CNOT1: variants seen among roughly 807,000 people sequenced by gnomAD.
The protein encoded by CNOT1 is CCR4-NOT transcription complex subunit 1.
CNOT1 carries 15 observed loss-of-function variants against 273.8 expected under a neutral mutation model. The observed-to-expected ratio is 0.05, with a 90% CI of 0.04 to 0.08. The LOEUF (loss-of-function observed/expected upper bound fraction) is 0.08. Among genes scored for constraint, CNOT1 ranks in the 10% least tolerant of loss-of-function variants. The pLI is 1.00. For missense variants in CNOT1, 1,644 were observed against 2,912.2 expected, an observed-to-expected ratio of 0.56 and a Z score of 10.02; for synonymous variants, 1,022 against 1,005.5, an observed-to-expected ratio of 1.02 and a Z score of -0.31.
chr16:58,565,228 T>A (rs1014716367), intron 16 of CNOT1, among the ~76,000 whole-genome samples: 1 of 152,118 alleles, frequency 6.6e-6, no homozygotes, highest in Non-Finnish European at 1.5e-5. Context: ...TCCTCCAACC[T>A]CAGCCTCCCC....
chr16:58,608,659 C>T (rs1197827576), intron 1 of CNOT1, among the ~76,000 whole-genome samples: 3 of 66,448 alleles, frequency 4.5e-5, no homozygotes, highest in African/African-American at 2.5e-4. Context: ...AAAAAAGATA[C>T]TTGCACACGT....
chr16:58,531,839 A>G (rs1157276433), intron 42 of CNOT1, 119 bp downstream of exon 42: 2 of 1,242,968 alleles, frequency 1.6e-6, no homozygotes, highest in Non-Finnish European at 2.2e-6. Flanking sequence ...AGCATTCCCA[A>G]CTAAGTTTGG....
chr16:58,573,407 A>G (rs4784049), intron 16 of CNOT1, among the ~76,000 whole-genome samples: 138,597 of 151,658 alleles, frequency 0.91, 63,530 homozygotes, highest in East Asian at 1. Context: ...TTATTAAGAC[A>G]GCAGTACTCC....
chr16:58,541,624 G>T lies in CNOT1; in HGVS notation c.4681-4C>A. On this transcript the variant is annotated splice_polypyrimidine_tract_variant and splice_region_variant and intron_variant, in intron 33 of 48. Transcript: ENST00000317147. The stretch of plus-strand genomic sequence containing the variant: ...GCTTTGGGTCCACACCACCAACCTT[G>T]AAAGAAGAAAACCTATTTTGACAGA... The T allele has an allele frequency of 1.2e-6, 2 of 1,609,304 alleles. No homozygotes were observed. The highest frequency in any genetic ancestry group is 1.1e-5 in the South Asian group (1 of 90,220).
intron 1 of CNOT1, among the ~76,000 whole-genome samples, chr16:58,628,898 T>C (rs931046861): frequency 6.6e-6 from 1 of 152,170 alleles, no homozygotes; most frequent in Non-Finnish European, 1.5e-5. Context: ...ACTGAAAAAG[T>C]ATTATTTGTG....
chr16:58,580,358 A>T (rs1339203228), intron 12 of CNOT1, among the ~76,000 whole-genome samples: 1 of 151,838 alleles, frequency 6.6e-6, no homozygotes, highest in Non-Finnish European at 1.5e-5. Context: ...ACTAAGGGAG[A>T]AAGGAGGAAG....
At chr16:58,618,233 T>C (rs991624556) in intron 1 of CNOT1, among the ~76,000 whole-genome samples, 1 of 151,950 alleles carries the variant, frequency 6.6e-6, no homozygotes, top group Non-Finnish European at 1.5e-5. Context: ...GCCCAGGAGT[T>C]CAAGGCTGCA....
At chr16:58,600,142 C>T (rs1417976910) in intron 1 of CNOT1, among the ~76,000 whole-genome samples, 4 of 151,646 alleles carry the variant, frequency 2.6e-5, no homozygotes, top group African/African-American at 9.7e-5. Flanking sequence ...ATCAGGAGTT[C>T]GTGACCAGTC....
intron 1 of CNOT1, among the ~76,000 whole-genome samples, chr16:58,609,067 A>G (rs2042792906): frequency 6.6e-6 from 1 of 152,156 alleles, no homozygotes; most frequent in African/African-American, 2.4e-5. Flanking sequence ...CCAAATTCTC[A>G]CAGATCACCA....
intron 1 of CNOT1, among the ~76,000 whole-genome samples, chr16:58,602,305 A>T (rs918367938): frequency 3.3e-5 from 5 of 151,988 alleles, no homozygotes; most frequent in Non-Finnish European, 7.4e-5. Context: ...TCCCGACCTC[A>T]GGTGATCCAC....
intron 2 of CNOT1, chr16:58,597,706 C>T (rs1234940993): frequency 1.4e-5 from 7 of 511,772 alleles, no homozygotes; most frequent in Non-Finnish European, 2.8e-5. Flanking sequence ...GCCAGGCAAG[C>T]CAATACCCAC....
chr16:58,565,419 C>T (rs2041006126), intron 16 of CNOT1, among the ~76,000 whole-genome samples: 1 of 152,164 alleles, frequency 6.6e-6, no homozygotes, highest in Non-Finnish European at 1.5e-5. Context: ...TCAGCCTTCA[C>T]TATATATTTT....
intron 18 of CNOT1, 62 bp from the exon 19 acceptor site, chr16:58,557,055 T>C (rs1034487630): frequency 3.2e-6 from 5 of 1,570,608 alleles, no homozygotes; most frequent in Non-Finnish European, 4.3e-6. Flanking sequence ...TTTATTCACA[T>C]CTCAGATATA....
Position 58,539,816 on chromosome 16 carries a change from T to G in CNOT1, c.4944A>C (p.Leu1648Phe), listed in dbSNP as rs200321615. ...CTATGGCATCCCGAGAGTTTCGAGA[T>G]AAAACTACAACCTCCAAGAGACTTC... The part of the protein sequence containing the change: ...ALRSLLEVVV[L>F]SRNSRDAIAA... The change falls in exon 35 of 49, where the codon TTA becomes TTC. Residue 1648 changes from leucine to phenylalanine, a missense_variant. Transcript: ENST00000317147. 6.2e-7 allele frequency: 1 copy of G among 1,614,076 alleles called. No homozygotes were observed. The highest frequency in any genetic ancestry group is 1.1e-5 in the South Asian group (1 of 91,060).
At chr16:58,598,209 G>A (rs2042329921) in intron 2 of CNOT1, among the ~76,000 whole-genome samples, 1 of 152,052 alleles carries the variant, frequency 6.6e-6, no homozygotes, top group African/African-American at 2.4e-5. Flanking sequence ...GACCAGCCTG[G>A]CCAACATGGT....
chr16:58,599,050 CAAAAA>C (rs55921701), intron 2 of CNOT1, 181 bp downstream of exon 2: 418 of 307,700 alleles, frequency 1.4e-3, no homozygotes, highest in East Asian at 2.7e-3. Context: ...GACTCTGTCT[CAAAAA>C]AAAAAAAAAA....
chr16:58,552,151 G>A (rs895154533), intron 22 of CNOT1, among the ~76,000 whole-genome samples: 2 of 151,844 alleles, frequency 1.3e-5, no homozygotes, highest in Non-Finnish European at 2.9e-5. Flanking sequence ...TTTCTAATTA[G>A]GCAGCAATGA....
rs2040537833 is a variant in CNOT1 at position 58,553,823 on chromosome 16, A to G, written c.2929T>C (p.Ser977Pro). 1 of 1,611,808 alleles carries G rather than the reference A, an allele frequency of 6.2e-7. No homozygotes were observed. Among genetic ancestry groups the G allele is most frequent in the African/African-American group, 1.3e-5 (1 of 74,684 alleles). ...DYPQYCQHLA[S>P]ISHFMQFPHH... ...GGAAATTGCATAAAGTGACTGATAG[A>G]AGCCAAATGCTGACAATACTGGGGA... The change falls in exon 22 of 49, where the codon TCT (serine) becomes CCT (proline). Residue 977 changes from serine (S) to proline (P), a missense_variant. Around this residue, in one of 13 missense-constraint regions of CNOT1, gnomAD observed 74 missense variants for 184.6 expected, o/e 0.40. Coordinates refer to ENST00000317147, the MANE Select transcript of CNOT1 (RefSeq NM_016284.5).
chr16:58,536,625 A>ATT (rs35237265), intron 39 of CNOT1, among the ~76,000 whole-genome samples: 14 of 151,162 alleles, frequency 9.3e-5, no homozygotes, highest in East Asian at 1.9e-4. Flanking sequence ...TTGTTTTGTC[A>ATT]TTTTTTTTTA....
Sources: gnomAD v4.1 joint callset for allele counts (sites outside exome capture counted in the v4.1 genomes callset) on GRCh38, gnomAD v4.1.1 for gene constraint, gnomAD v4.1.1 regional missense constraint, MANE v1.5 for transcripts, NCBI Gene and HGNC (gene_info 2026-07-23, HGNC 2026-07-21) for gene names.